Variants in SMUG1 observed in about 807,000 individuals in gnomAD.
SMUG1 encodes single-strand selective monofunctional uracil DNA glycosylase.
SMUG1 carries 13 observed loss-of-function variants against 23.9 expected under a neutral mutation model. The ratio of observed to expected loss-of-function variants is 0.54; its 90% confidence interval spans 0.35 to 0.86. The LOEUF (loss-of-function observed/expected upper bound fraction) is 0.86, where lower values mean the gene tolerates loss of function less well. SMUG1 is among the 40% of genes least tolerant of loss of function. SMUG1 has a pLI of 0.01. For synonymous variants in SMUG1, 133 were observed against 139.8 expected, an observed-to-expected ratio of 0.95 and a Z score of 0.34; for missense variants, 313 against 339.5, an observed-to-expected ratio of 0.92 and a Z score of 0.61.
chr12:54,178,335 A>G (rs7300912), downstream of SMUG1, among the ~76,000 whole-genome samples: 39 of 152,044 alleles, frequency 2.6e-4, no homozygotes, highest in Non-Finnish European at 5.0e-4. Context: ...CAACAGCCCC[A>G]CTAGGACCCA....
In SMUG1 at chr12:54,183,863, G is replaced by A; in HGVS notation, c.78C>T (p.Ser26=). 6.2e-7 allele frequency: 1 copy of A among 1,612,556 alleles called. No individual in the cohort carries two copies. Among genetic ancestry groups the A allele is most frequent in the South Asian group, 1.1e-5 (1 of 90,764 alleles). The change falls in exon 3 of 4, where the codon AGC becomes AGT. Residue 26 remains serine, a synonymous_variant. Coordinates refer to ENST00000682136, the MANE Select transcript of SMUG1 (RefSeq NM_001243787.2). ...CCTCCTCCAGGAAGCTCTCAGCCAA[G>A]CTTCCAGGGCAGGGCTGGGGCTCCA... ...ALMEPQPCPG[S]LAESFLEEEL...
chr12:54,160,231 T>C (rs923801493), downstream of SMUG1, among the ~76,000 whole-genome samples: 1 of 152,186 alleles, frequency 6.6e-6, no homozygotes, highest in Admixed American at 6.5e-5. Flanking sequence ...GGTTCTTCGT[T>C]ATATATGCAA....
intron 3 of SMUG1, chr12:54,168,167 C>G (rs1468140633): frequency 6.6e-6 from 1 of 152,230 alleles, no homozygotes; most frequent in Non-Finnish European, 1.5e-5. Context: ...GACCACTGAC[C>G]TGGGTACCTC....
intron 3 of SMUG1, among the ~76,000 whole-genome samples, chr12:54,165,906 T>C (rs1264813114): frequency 6.6e-6 from 1 of 152,228 alleles, no homozygotes; most frequent in African/African-American, 2.4e-5. Flanking sequence ...GAGCACCTAC[T>C]ATTAGTCATG....
intron 2 of SMUG1, among the ~76,000 whole-genome samples, chr12:54,185,509 TAAATAAATAAATAAATAAA>T (rs1942222992): frequency 2.7e-4 from 11 of 40,314 alleles, no homozygotes; most frequent in Admixed American, 5.2e-4. Context: ...AATAAATAAA[TAAATAAATAAATAAATAAA>T]TTTGCCGGGC....
intron 2 of SMUG1, among the ~76,000 whole-genome samples, chr12:54,186,005 C>T (rs959656129): frequency 6.6e-6 from 1 of 152,146 alleles, no homozygotes; most frequent in South Asian, 2.1e-4. Context: ...CATTCAAACC[C>T]AGTGTTCCAA....
In SMUG1 at chr12:54,188,163, C is replaced by T. The variant is rs529033395; in HGVS notation, c.-103-261G>A. Among the ~76,000 whole-genome samples, 5 of 151,934 alleles carry T rather than the reference C, an allele frequency of 3.3e-5. No individual in the cohort carries two copies. The South Asian group carries it at 1.0e-3, about 32-fold the overall frequency. ...TCAGACTGATGTCAGACTTCTCTGA[C>T]ATCAAATCCGGGAAGTGAGGAAGGA... On this transcript the variant is annotated intron_variant, in intron 1 of 3. Coordinates refer to ENST00000682136, the MANE Select transcript of SMUG1 (RefSeq NM_001243787.2).
chr12:54,174,298 G>A (rs1294969391), intron 2 of SMUG1, among the ~76,000 whole-genome samples: 1 of 152,178 alleles, frequency 6.6e-6, no homozygotes, highest in Non-Finnish European at 1.5e-5. Context: ...CTTCTCCCAA[G>A]CCACAGAAGT....
intron 2 of SMUG1, among the ~76,000 whole-genome samples, chr12:54,173,450 C>T (rs979109479): frequency 2.0e-5 from 3 of 152,012 alleles, no homozygotes; most frequent in Non-Finnish European, 1.5e-5. Flanking sequence ...GGGAGCGGGG[C>T]GGGCGCAGCA....
chr12:54,160,359 G>A (rs1038903469), downstream of SMUG1, among the ~76,000 whole-genome samples: 8 of 152,348 alleles, frequency 5.3e-5, no homozygotes, highest in East Asian at 1.9e-4. Context: ...TGGCTGGGCC[G>A]TGCCAGAGTT....
downstream of SMUG1, among the ~76,000 whole-genome samples, chr12:54,178,583 C>T (rs1452588150): frequency 6.6e-6 from 1 of 152,164 alleles, no homozygotes; most frequent in Non-Finnish European, 1.5e-5. Context: ...GCCCCTTCAT[C>T]TCCTTCTATG....
intron 3 of SMUG1, 90 bp downstream of exon 3, chr12:54,183,566 C>G (rs1183695152): frequency 1.5e-6 from 2 of 1,328,440 alleles, no homozygotes; most frequent in African/African-American, 1.4e-5. Flanking sequence ...ATGTCTACAG[C>G]CATGCACATG....
At chr12:54,187,245 A>T (rs1942674801) in intron 2 of SMUG1, 1 of 152,222 alleles carries the variant, frequency 6.6e-6, no homozygotes, top group African/African-American at 2.4e-5. Context: ...CTCCAAGATA[A>T]GAACTCAAGG....
chr12:54,178,662 T>C (rs1477070803), downstream of SMUG1, among the ~76,000 whole-genome samples: 1 of 152,186 alleles, frequency 6.6e-6, no homozygotes, highest in Non-Finnish European at 1.5e-5. Flanking sequence ...CACTACACTT[T>C]AAATTCTCAA....
At chr12:54,162,389 C>T (rs1296699630), downstream of SMUG1, 1 of 152,170 alleles carries the variant, frequency 6.6e-6, no homozygotes, top group Non-Finnish European at 1.5e-5. Context: ...TTCACTCAGC[C>T]TCCGCTCTAG....
chr12:54,188,048 G>A (rs1942861838), intron 1 of SMUG1, 146 bp from the exon 2 acceptor site: 2 of 151,928 alleles, frequency 1.3e-5, no homozygotes, highest in African/African-American at 4.8e-5. Flanking sequence ...AAGAAATGTA[G>A]ATATTTTATA....
intron 2 of SMUG1, among the ~76,000 whole-genome samples, chr12:54,172,588 T>C (rs1160528862): frequency 6.6e-6 from 1 of 152,184 alleles, no homozygotes; most frequent in Non-Finnish European, 1.5e-5. Context: ...AGGGGGGACG[T>C]GCCCCACTCT....
downstream of SMUG1, among the ~76,000 whole-genome samples, chr12:54,176,348 C>T (rs898693125): frequency 1.7e-4 from 26 of 151,622 alleles, no homozygotes; most frequent in Admixed American, 1.6e-3. Context: ...AGTGAAACCC[C>T]GTCTCTACAA....
intron 3 of SMUG1, among the ~76,000 whole-genome samples, chr12:54,169,234 T>C (rs1940556914): frequency 6.6e-6 from 1 of 152,092 alleles, no homozygotes. Flanking sequence ...GAGAATGGAC[T>C]GTAGGGGGAC....
Sources: gnomAD v4.1 joint callset for allele counts (sites outside exome capture counted in the v4.1 genomes callset) on GRCh38, gnomAD v4.1.1 for gene constraint, MANE v1.5 for transcripts, NCBI Gene and HGNC (gene_info 2026-07-23, HGNC 2026-07-21) for gene names.